The following ATXN2 variants were observed in gnomAD, a reference collection of about 807,000 sequenced individuals.
The protein encoded by ATXN2 is ataxin-2.
ATXN2 carries 37 observed loss-of-function variants against 138.6 expected under a neutral mutation model. The ratio of observed to expected loss-of-function variants is 0.27; its 90% CI spans 0.21 to 0.35. The LOEUF is 0.35. Ranked by LOEUF, ATXN2 falls within the 10% of genes least tolerant of loss-of-function variation. ATXN2 has a pLI of 1.00. For missense variants in ATXN2, 1,216 were observed against 1,480.3 expected, an observed-to-expected ratio of 0.82 and a Z score of 2.93; for synonymous variants, 549 against 543.7, an observed-to-expected ratio of 1.01 and a Z score of -0.13.
At chr12:111,508,794 T>C (rs993000696) in intron 14 of ATXN2, among the ~76,000 whole-genome samples, 2 of 152,096 alleles carry the variant, frequency 1.3e-5, no homozygotes, top group Non-Finnish European at 1.5e-5. Context: ...TAAAGCTGAA[T>C]AGATACATGT....
chr12:111,540,232 C>A lies in ATXN2; in HGVS notation c.571+12048G>T, dbSNP rs1217851133. Among the ~76,000 whole-genome samples the A allele has an allele frequency of 2.0e-5, 3 of 150,260 alleles. 1 individual carries two copies. The highest frequency in any genetic ancestry group is 7.3e-5 in the African/African-American group (3 of 41,292). Reference sequence around the variant, plus strand: ...TGCATGCATAAGACTCCATTGAAACCATCCAAGACAAGAGAAAAAAATAAT... The same window carrying A: ...TGCATGCATAAGACTCCATTGAAACAATCCAAGACAAGAGAAAAAAATAAT... On this transcript the variant is annotated intron_variant, in intron 5 of 24. Coordinates refer to ENST00000673436, the MANE Select transcript of ATXN2 (RefSeq NM_001372574.1).
At chr12:111,576,090 CATA>C (rs1883626210) in intron 1 of ATXN2, among the ~76,000 whole-genome samples, 1 of 90,062 alleles carries the variant, frequency 1.1e-5, no homozygotes, top group African/African-American at 5.4e-5. Flanking sequence ...CTTAAAATAA[CATA>C]ACATAACATA....
intron 14 of ATXN2, among the ~76,000 whole-genome samples, chr12:111,492,088 G>A (rs1027565929): frequency 6.6e-5 from 10 of 152,152 alleles, no homozygotes; most frequent in Non-Finnish European, 1.3e-4. Flanking sequence ...ACAGGCCTTG[G>A]GTGAGACCAA....
chr12:111,497,288 TACTAA>T (rs1878481073), intron 14 of ATXN2, among the ~76,000 whole-genome samples: 1 of 152,186 alleles, frequency 6.6e-6, no homozygotes, highest in Non-Finnish European at 1.5e-5. Flanking sequence ...TGCTGAATTC[TACTAA>T]ACCTTTAAAG....
intron 5 of ATXN2, among the ~76,000 whole-genome samples, chr12:111,541,151 A>C (rs1021666202): frequency 1.3e-5 from 2 of 149,614 alleles, no homozygotes; most frequent in Non-Finnish European, 3.0e-5. Flanking sequence ...GTTTAATCAC[A>C]GTTTTCTCAT....
intron 5 of ATXN2, among the ~76,000 whole-genome samples, chr12:111,549,473 T>C (rs1287970808): frequency 6.6e-6 from 1 of 150,580 alleles, no homozygotes; most frequent in African/African-American, 2.4e-5. Context: ...GAGGCAGAGG[T>C]TGCAGTGAGC....
At chr12:111,519,399 C>T (rs541186249) in intron 8 of ATXN2, among the ~76,000 whole-genome samples, 38 of 152,260 alleles carry the variant, frequency 2.5e-4, no homozygotes, top group Middle Eastern at 6.8e-3. Context: ...CATGCTTGTA[C>T]ATGGCTTTTC....
intron 5 of ATXN2, among the ~76,000 whole-genome samples, chr12:111,541,115 C>T (rs1881476470): frequency 6.7e-6 from 1 of 150,030 alleles, no homozygotes. Flanking sequence ...CACAGATTTG[C>T]TCCAGTGTAG....
intron 1 of ATXN2, among the ~76,000 whole-genome samples, chr12:111,575,577 T>C (rs1364559366): frequency 2.0e-5 from 3 of 152,042 alleles, no homozygotes; most frequent in East Asian, 3.8e-4. Flanking sequence ...TGCCATAAGG[T>C]GGCAGGGGCA....
chr12:111,578,184 G>C (rs553514026), intron 1 of ATXN2, among the ~76,000 whole-genome samples: 1 of 152,058 alleles, frequency 6.6e-6, no homozygotes, highest in Non-Finnish European at 1.5e-5. Flanking sequence ...GCGATAGAGC[G>C]AGACTCCATC....
At position 111,599,088 on chromosome 12, in the gene ATXN2, G is replaced by A. The variant is rs1885122375; in HGVS notation, c.-54C>T. On this transcript the variant is annotated 5_prime_UTR_variant, in exon 1 of 25. Coordinates refer to ENST00000673436, the MANE Select transcript of ATXN2 (RefSeq NM_001372574.1). ...GCCGGGCGGGGACAGCCGGGAGCCG[G>A]GCGCGCCAAGGAGACGCCGGAACGC... is the stretch of plus-strand genomic sequence containing the variant. The A allele has an allele frequency of 1.0e-5, 14 of 1,349,372 alleles. No homozygotes were observed. Among genetic ancestry groups the A allele is most frequent in the Middle Eastern group, 5.4e-4 (2 of 3,696 alleles). The allele number at this position is 1,349,372 out of a possible 1,614,324, so 83.6% of individuals were successfully genotyped here.
At chr12:111,466,843 TAAAAA>T (rs1286208610) in intron 20 of ATXN2, among the ~76,000 whole-genome samples, 1 of 152,032 alleles carries the variant, frequency 6.6e-6, no homozygotes, top group Non-Finnish European at 1.5e-5. Flanking sequence ...TGATGTAGCT[TAAAAA>T]GAAAAGCACA....
Position 111,543,653 on chromosome 12 carries a change from T to G in ATXN2, c.571+8627A>C, listed in dbSNP as rs1341938653. On this transcript the variant is annotated intron_variant, in intron 5 of 24. Transcript: ENST00000673436. ...TTGCATCGCTGACTCCATTTGATAT[T>G]CAATGTCATGCAGTACAACATTCCA... 5.3e-5 allele frequency among the ~76,000 whole-genome samples: 8 copies of G among 152,334 alleles called. No homozygotes were observed. In the East Asian group the frequency reaches 9.6e-4, roughly 18 times the overall value.
intron 5 of ATXN2, among the ~76,000 whole-genome samples, chr12:111,543,911 A>G (rs1881668603): frequency 6.6e-6 from 1 of 152,062 alleles, no homozygotes; most frequent in Non-Finnish European, 1.5e-5. Flanking sequence ...ACCAGTGTCT[A>G]TAAAATATTT....
chr12:111,525,394 G>A, intron 5 of ATXN2, 78 bp from the exon 6 acceptor site: 1 of 1,336,610 alleles, frequency 7.5e-7, no homozygotes. Context: ...TACCAACAAA[G>A]ACATATGTTA....
At position 111,510,227 on chromosome 12, in the gene ATXN2, A is replaced by T. The variant is rs28364723; in HGVS notation, c.1756+158T>A. ...AACACAGACACTATATTAAATTAGT[A>T]GTATTAAACAACATCAAAATTTACA... is the stretch of plus-strand genomic sequence containing the variant. On this transcript the variant is annotated intron_variant, in intron 12 of 24. Transcript: ENST00000673436. Among the ~76,000 whole-genome samples, 91 of 152,372 alleles carry T rather than the reference A, an allele frequency of 6.0e-4. 2 individuals carry two copies. In the East Asian group the frequency reaches 0.016, roughly 27 times the overall value.
intron 18 of ATXN2, among the ~76,000 whole-genome samples, chr12:111,475,245 G>A (rs1302154972): frequency 6.7e-6 from 1 of 150,354 alleles, no homozygotes; most frequent in Non-Finnish European, 1.5e-5. Context: ...TTGGGAGGCT[G>A]AGGCAGGAGA....
upstream of ATXN2, chr12:111,599,428 G>A (rs1885154166): frequency 1.7e-6 from 2 of 1,183,102 alleles, no homozygotes; most frequent in South Asian, 4.1e-5. Context: ...GCTGGAGCGA[G>A]CGCCACCCGG....
At chr12:111,528,134 T>C (rs1414645648) in intron 5 of ATXN2, among the ~76,000 whole-genome samples, 1 of 152,182 alleles carries the variant, frequency 6.6e-6, no homozygotes, top group East Asian at 1.9e-4. Flanking sequence ...AAAGCACACA[T>C]TTAAGTAAAT....
Sources: gnomAD v4.1 joint callset for allele counts (sites outside exome capture counted in the v4.1 genomes callset) on GRCh38, gnomAD v4.1.1 for gene constraint, MANE v1.5 for transcripts, NCBI Gene and HGNC (gene_info 2026-07-23, HGNC 2026-07-21) for gene names.